PRRC1: variants seen among roughly 807,000 people sequenced by gnomAD.
PRRC1 encodes proline rich coiled-coil 1.
Under a neutral mutation model 40.7 loss-of-function variants are expected in PRRC1, and 39 were observed. The ratio of observed to expected loss-of-function variants is 0.96; its 90% CI spans 0.74 to 1.25. PRRC1 has a LOEUF of 1.25. Ranked by LOEUF, PRRC1 falls within the 50% of genes most tolerant of loss-of-function variation. The pLI is 0.00. For synonymous variants in PRRC1, 175 were observed against 193.3 expected (o/e 0.91, Z 0.79); for missense variants, 573 against 548.3 (o/e 1.05, Z -0.45).
intron 7 of PRRC1, among the ~76,000 whole-genome samples, chr5:127,545,362 C>G (rs1446992904): frequency 6.6e-6 from 1 of 151,970 alleles, no homozygotes; most frequent in Non-Finnish European, 1.5e-5. Context: ...GCACTATTCC[C>G]AATAGCAAAG....
chr5:127,546,858 T>G (rs1768237253), intron 7 of PRRC1, among the ~76,000 whole-genome samples: 1 of 152,194 alleles, frequency 6.6e-6, no homozygotes, highest in Admixed American at 6.5e-5. Flanking sequence ...ACAAAATATC[T>G]ATTAGTCTAC....
In PRRC1 at chr5:127,524,522, T is replaced by G. The variant is rs183042787; in HGVS notation, c.104-9T>G. The stretch of plus-strand genomic sequence containing the variant: ...ATTCTGTGCTTTTATCCTCTCCACT[T>G]TTTTCTAGCGGCAACCAGTTCTTTT... On this transcript the variant is annotated splice_polypyrimidine_tract_variant and intron_variant, in intron 2 of 8. Transcript: ENST00000296666. 1.5e-4 allele frequency: 237 copies of G among 1,587,534 alleles called. No individual in the cohort carries two copies. Among genetic ancestry groups the G allele is most frequent in the Admixed American group, 4.8e-4 (27 of 55,978 alleles).
rs1767553503 is a variant in PRRC1, at chr5:127,524,626, A to C, written c.199A>C (p.Arg67=). The C allele has an allele frequency of 6.2e-7, 1 of 1,613,882 alleles. No individual in the cohort carries two copies. The highest frequency in any genetic ancestry group is 1.3e-5 in the African/African-American group (1 of 74,846). The stretch of plus-strand genomic sequence containing the variant: ...TCCTCAGCCGCCCCTTCCTCCTGTG[A>C]GGCCTTCAGCACCATTACCTTTTGT... The part of the protein sequence containing the change: ...STPQPPLPPV[R]PSAPLPFVPP... The change falls in exon 3 of 9, where the codon AGG becomes CGG. Residue 67 remains arginine, a synonymous_variant. Coordinates refer to ENST00000296666, the MANE Select transcript of PRRC1 (RefSeq NM_130809.5).
At chr5:127,551,479 G>A (rs977145918) in intron 8 of PRRC1, 1 of 498,634 alleles carries the variant, frequency 2.0e-6, no homozygotes, top group African/African-American at 1.9e-5. Flanking sequence ...CCTTCCGACT[G>A]TTAGCCTCGT....
intron 7 of PRRC1, among the ~76,000 whole-genome samples, chr5:127,543,800 T>C (rs975492469): frequency 3.9e-5 from 6 of 152,230 alleles, no homozygotes; most frequent in African/African-American, 1.2e-4. Context: ...GTTTTCAACT[T>C]CTTTGCCTTT....
chr5:127,536,531 G>A (rs1165528682), intron 6 of PRRC1, among the ~76,000 whole-genome samples: 4 of 151,994 alleles, frequency 2.6e-5, no homozygotes, highest in African/African-American at 9.7e-5. Flanking sequence ...AGATTTAGTT[G>A]CAGAGAGTAA....
Position 127,552,499 on chromosome 5 carries a change from T to C in PRRC1, c.*583T>C. The C allele has an allele frequency of 3.0e-6, 3 of 986,814 alleles. No homozygotes were observed. Among genetic ancestry groups the C allele is most frequent in the Non-Finnish European group, 3.6e-6 (3 of 830,576 alleles). The allele number at this position is 986,814 out of a possible 1,614,324, so 61.1% of individuals were successfully genotyped here. ...ATAATGGAATTGATTATTTTCCTTT[T>C]TGGCCATCACGTACACATGTAATCT... On this transcript the variant is annotated 3_prime_UTR_variant, in exon 9 of 9. Coordinates refer to ENST00000296666, the MANE Select transcript of PRRC1 (RefSeq NM_130809.5).
chr5:127,529,177 T>A (rs1264515034), intron 4 of PRRC1, among the ~76,000 whole-genome samples: 1 of 151,938 alleles, frequency 6.6e-6, no homozygotes, highest in Non-Finnish European at 1.5e-5. Flanking sequence ...TCTGCCAAGT[T>A]CCAATATTCT....
chr5:127,547,726 A>G (rs191973851), intron 7 of PRRC1, 93 bp from the exon 8 acceptor site: 21 of 759,178 alleles, frequency 2.8e-5, no homozygotes, highest in Admixed American at 5.3e-5. Flanking sequence ...AATCTGTTCT[A>G]TCTGAATAAT....
intron 6 of PRRC1, among the ~76,000 whole-genome samples, chr5:127,537,613 C>G (rs1017140110): frequency 2.6e-5 from 4 of 151,888 alleles, no homozygotes; most frequent in Non-Finnish European, 5.9e-5. Flanking sequence ...AATGAACAAA[C>G]TTAGTCTCTG....
intron 2 of PRRC1, 102 bp from the exon 3 acceptor site, chr5:127,524,429 G>A (rs1442326870): frequency 2.8e-6 from 3 of 1,090,194 alleles, no homozygotes; most frequent in South Asian, 1.7e-5. Flanking sequence ...GATATGCTTT[G>A]GTAAGTTAAA....
At chr5:127,529,304 G>T (rs1461539047) in intron 4 of PRRC1, among the ~76,000 whole-genome samples, 1 of 152,082 alleles carries the variant, frequency 6.6e-6, no homozygotes, top group South Asian at 2.1e-4. Context: ...TTTCAGGAAT[G>T]TGGCATTTTT....
rs868042514 is a variant in PRRC1 at position 127,542,968 on chromosome 5, T to C, written c.1025+3825T>C. 6.4e-4 allele frequency among the ~76,000 whole-genome samples: 98 copies of C among 151,982 alleles called. No individual in the cohort carries two copies. In the Middle Eastern group the frequency reaches 0.014, roughly 21 times the overall value. On this transcript the variant is annotated intron_variant, in intron 7 of 8. Coordinates refer to ENST00000296666, the MANE Select transcript of PRRC1 (RefSeq NM_130809.5). ...TTAGTTGATGCAGTTTCTTCCTAGT[T>C]TTGATGGTCTTTACATTTTGGCATG...
At chr5:127,540,972 C>T (rs1172296076) in intron 7 of PRRC1, among the ~76,000 whole-genome samples, 3 of 152,236 alleles carry the variant, frequency 2.0e-5, no homozygotes, top group East Asian at 3.9e-4. Flanking sequence ...GGAATGCTTC[C>T]AGTTTTTGCC....
intron 7 of PRRC1, 86 bp from the exon 8 acceptor site, chr5:127,547,733 T>C: frequency 3.5e-6 from 3 of 848,536 alleles, no homozygotes; most frequent in Non-Finnish European, 5.7e-6. Flanking sequence ...TCTATCTGAA[T>C]AATAGTACTT....
At chr5:127,523,372 A>ATT in intron 1 of PRRC1, 88 bp from the exon 2 acceptor site, 12 of 528,600 alleles carry the variant, frequency 2.3e-5, no homozygotes, top group East Asian at 6.7e-5. Context: ...TCTCTTGATG[A>ATT]TTTTTTTTTT....
Position 127,524,233 on chromosome 5 carries a change from T to C in PRRC1, c.104-298T>C, listed in dbSNP as rs1420139077. The C allele has an allele frequency of 4.3e-5, 11 of 257,624 alleles. No homozygotes were observed. In the East Asian group the frequency reaches 9.3e-4, roughly 22 times the overall value. 16.0% of individuals were successfully genotyped at this position (257,624 alleles called of 1,614,324 possible). A position where few individuals can be genotyped will look rare whatever the true frequency, so the allele number is the denominator to read the frequency against. On this transcript the variant is annotated intron_variant, in intron 2 of 8. Transcript: ENST00000296666. ...TGAGCCTTCAGGGCATAGGTTTTTA[T>C]GCTCAAACTAGGGATGAAAAATCGC...
In PRRC1 at chr5:127,553,171, A is replaced by G; in HGVS notation, c.*1255A>G. 2 of 982,752 alleles carry G rather than the reference A, an allele frequency of 2.0e-6. No individual in the cohort carries two copies. Among genetic ancestry groups the G allele is most frequent in the Non-Finnish European group, 2.4e-6 (2 of 827,562 alleles). 60.9% of individuals were successfully genotyped at this position (982,752 alleles called of 1,614,324 possible). On this transcript the variant is annotated 3_prime_UTR_variant, in exon 9 of 9. Coordinates refer to ENST00000296666, the MANE Select transcript of PRRC1 (RefSeq NM_130809.5). ...TCTTTAGATGTAAAAGAATTAGCAC[A>G]ATCTCTGGCAGTTTTATAAAAGCTG...
At chr5:127,524,487 A>C (rs1297804697) in intron 2 of PRRC1, 44 bp from the exon 3 acceptor site, 1 of 1,525,332 alleles carries the variant, frequency 6.6e-7, no homozygotes, top group Non-Finnish European at 8.8e-7. Context: ...CTAAATAAAA[A>C]ACATTTCTAA....
Sources: allele counts gnomAD v4.1 joint callset (sites outside exome capture counted in the v4.1 genomes callset), GRCh38; gene constraint gnomAD v4.1.1; transcripts MANE v1.5; gene names NCBI Gene and HGNC (gene_info 2026-07-23, HGNC 2026-07-21).